Variants in ARHGEF10 observed in about 807,000 individuals in gnomAD.
ARHGEF10 encodes Rho guanine nucleotide exchange factor (GEF) 10.
Under a neutral mutation model 147.4 loss-of-function variants are expected in ARHGEF10, and 140 were observed. That is an observed-to-expected ratio of 0.95 (90% CI 0.83 to 1.09). The LOEUF (loss-of-function observed/expected upper bound fraction) is 1.09, where lower values mean the gene tolerates loss of function less well. Among genes scored for constraint, ARHGEF10 ranks in the 50% least tolerant of loss-of-function variants. The probability of loss-of-function intolerance (pLI) is 0.00; values close to 1 mark genes in which losing one functional copy is unlikely to be tolerated. For missense variants in ARHGEF10, 2,222 were observed against 1,752.7 expected (o/e 1.27, Z -4.78); for synonymous variants, 902 against 695.8 (o/e 1.30, Z -4.67).
In ARHGEF10 at chr8:1,952,769, C is replaced by G. The variant is rs754152691; in HGVS notation, c.3462C>G (p.Ser1154Arg). The change falls in exon 28 of 29, where the codon AGC (serine) becomes AGG (arginine). Residue 1154 changes from serine (S) to arginine (R), a missense_variant. Physicochemically the swap from Ser to Arg is moderately radical, Grantham distance 110. Coordinates refer to ENST00000349830, the MANE Select transcript of ARHGEF10 (RefSeq NM_014629.4). ...ACGGATTGCTGATGGTCGGCACCAG[C>G]CTGGGAGTCCTCGTGGCCCTGCCGG... Reference protein sequence around the residue: ...VCHGLLMVGTSLGVLVALPVP... With the variant: ...VCHGLLMVGTRLGVLVALPVP... 3.1e-6 allele frequency: 5 copies of G among 1,613,584 alleles called. No homozygotes were observed.
intron 27 of ARHGEF10, among the ~76,000 whole-genome samples, chr8:1,947,861 C>T (rs1358563862): frequency 6.6e-6 from 1 of 150,678 alleles, no homozygotes; most frequent in Non-Finnish European, 1.5e-5. Context: ...GTTTTAGATA[C>T]TGTCTTTGAC....
intron 26 of ARHGEF10, among the ~76,000 whole-genome samples, chr8:1,936,285 T>C (rs1031932364): frequency 6.6e-6 from 1 of 152,072 alleles, no homozygotes; most frequent in African/African-American, 2.4e-5. Context: ...GAGACCAAGA[T>C]AGGTGGATCG....
intron 1 of ARHGEF10, among the ~76,000 whole-genome samples, chr8:1,839,815 A>G (rs1196301442): frequency 4.5e-4 from 28 of 62,386 alleles, no homozygotes; most frequent in African/African-American, 6.0e-4. Flanking sequence ...TCTTGTGTGG[A>G]AGCTGTCTGG....
Position 1,888,230 on chromosome 8 carries a change from C to CACTT in ARHGEF10, c.1182+2524_1182+2525insCTTA, listed in dbSNP as rs1808934143. On this transcript the variant is annotated intron_variant, in intron 11 of 28. Transcript: ENST00000349830. Reference sequence around the variant, plus strand: ...TAGTGGGGCGAGGGTTGCGAGGAGACAGTGAGTGTGGTGAGGGTTGCGAGG... The same window carrying CACTT: ...TAGTGGGGCGAGGGTTGCGAGGAGACACTTAGTGAGTGTGGTGAGGGTTGCGAGG... Among the ~76,000 whole-genome samples, 3 of 63,290 alleles carry CACTT rather than the reference C, an allele frequency of 4.7e-5. No individual in the cohort carries two copies. The East Asian group carries it at 1.4e-3, about 29-fold the overall frequency. 41.5% of individuals were successfully genotyped at this position (63,290 alleles called of 152,430 possible).
chr8:1,831,763 C>G (rs1284148113), intron 1 of ARHGEF10, among the ~76,000 whole-genome samples: 2 of 152,234 alleles, frequency 1.3e-5, no homozygotes, highest in African/African-American at 2.4e-5. Flanking sequence ...CTCCTGGACA[C>G]CTGCACAGGG....
At chr8:1,928,380 G>A in intron 23 of ARHGEF10, 47 bp from the exon 24 acceptor site, 2 of 1,582,746 alleles carry the variant, frequency 1.3e-6, no homozygotes, top group East Asian at 2.2e-5. Flanking sequence ...TATTATGGAA[G>A]CCGCCACATG....
intron 28 of ARHGEF10, among the ~76,000 whole-genome samples, chr8:1,955,209 C>G (rs61475618): frequency 8.8e-4 from 88 of 100,378 alleles, no homozygotes; most frequent in African/African-American, 3.9e-3. Context: ...GATGGGTAGC[C>G]AGGTGCTTCC....
chr8:1,857,704 T>C lies in ARHGEF10; in HGVS notation c.38-256T>C, dbSNP rs185436884. Among the ~76,000 whole-genome samples the C allele has an allele frequency of 6.6e-3, 724 of 109,246 alleles. 1 individual carries two copies. Among genetic ancestry groups the C allele is most frequent in the Admixed American group, 9.5e-3 (104 of 10,970 alleles). 71.7% of individuals were successfully genotyped at this position (109,246 alleles called of 152,430 possible). ...AAGTGCTGGGATTACAGATGTGAGCTACCACCCCCAGCCTCTTGTTTCTTC... is the reference window on the plus strand; with the variant it reads ...AAGTGCTGGGATTACAGATGTGAGCCACCACCCCCAGCCTCTTGTTTCTTC... On this transcript the variant is annotated intron_variant, in intron 2 of 28. Coordinates refer to ENST00000349830, the MANE Select transcript of ARHGEF10 (RefSeq NM_014629.4).
chr8:1,867,563 C>T (rs1000782423), intron 6 of ARHGEF10, among the ~76,000 whole-genome samples: 1 of 152,210 alleles, frequency 6.6e-6, no homozygotes, highest in Non-Finnish European at 1.5e-5. Context: ...GCGGCTCCAG[C>T]TTCCGTACAA....
At chr8:1,940,445 T>C (rs986011020) in intron 26 of ARHGEF10, among the ~76,000 whole-genome samples, 5 of 152,102 alleles carry the variant, frequency 3.3e-5, no homozygotes, top group Non-Finnish European at 7.4e-5. Context: ...AAATAGAACA[T>C]TTGAATAGAC....
intron 18 of ARHGEF10, among the ~76,000 whole-genome samples, chr8:1,921,054 G>A (rs1196504331): frequency 6.6e-6 from 1 of 152,122 alleles, no homozygotes; most frequent in African/African-American, 2.4e-5. Context: ...CCAAAGCACT[G>A]GGATTACAGG....
chr8:1,827,073 C>A (rs1802812584), intron 1 of ARHGEF10, among the ~76,000 whole-genome samples: 1 of 152,166 alleles, frequency 6.6e-6, no homozygotes, highest in African/African-American at 2.4e-5. Flanking sequence ...GCCTGGGTGG[C>A]AGACAGGGCC....
At chr8:1,866,716 T>A in intron 6 of ARHGEF10, 114 bp downstream of exon 6, 1 of 1,032,790 alleles carries the variant, frequency 9.7e-7, no homozygotes, top group South Asian at 1.3e-5. Flanking sequence ...TCTAAAAAGA[T>A]GTTTATTTAC....
Position 1,929,406 on chromosome 8 carries a change from G to A in ARHGEF10, c.3042G>A (p.Leu1014=), listed in dbSNP as rs751872738. The part of the protein sequence containing the change: ...ACTSQSLYAG[L]VNGAVASYAR... Reference sequence around the variant, plus strand: ...CGTCTCAGAGCCTGTACGCTGGCCTGGTCAACGGGGCAGTCGCCAGCTACG... The same window carrying A: ...CGTCTCAGAGCCTGTACGCTGGCCTAGTCAACGGGGCAGTCGCCAGCTACG... The change falls in exon 25 of 29, where the codon CTG becomes CTA. Residue 1014 remains leucine (L), a synonymous_variant. Transcript: ENST00000349830. 5.0e-6 allele frequency: 8 copies of A among 1,611,998 alleles called. No homozygotes were observed. The highest frequency in any genetic ancestry group is 6.8e-6 in the Non-Finnish European group (8 of 1,179,438).
chr8:1,869,454 C>T, intron 7 of ARHGEF10: 1 of 688,972 alleles, frequency 1.5e-6, no homozygotes, highest in East Asian at 2.7e-5. Flanking sequence ...TGAAATAGGG[C>T]AGTTTAATCT....
intron 2 of ARHGEF10, among the ~76,000 whole-genome samples, chr8:1,846,392 C>T (rs1179194636): frequency 6.6e-6 from 1 of 152,124 alleles, no homozygotes; most frequent in Non-Finnish European, 1.5e-5. Context: ...ATTATAATTT[C>T]CCCCATTATT....
At chr8:1,905,508 C>G in intron 16 of ARHGEF10, 63 bp from the exon 17 acceptor site, 7 of 1,607,186 alleles carry the variant, frequency 4.4e-6, no homozygotes, top group Non-Finnish European at 5.1e-6. Flanking sequence ...CAGACTTCTC[C>G]TCATCTTTTT....
At position 1,888,116 on chromosome 8, in the gene ARHGEF10, T is replaced by G. The variant is rs76280282; in HGVS notation, c.1182+2409T>G. Among the ~76,000 whole-genome samples, 67 of 81,860 alleles carry G rather than the reference T, an allele frequency of 8.2e-4. 2 individuals carry two copies. The highest frequency in any genetic ancestry group is 2.4e-3 in the African/African-American group (21 of 8,750). The allele number at this position is 81,860 out of a possible 152,430, so 53.7% of individuals were successfully genotyped here. On this transcript the variant is annotated intron_variant, in intron 11 of 28. Transcript: ENST00000349830. ...AGGGTGAATGTTTTGAGGAGACACTTAGTGGGGTGAGGGTTTGCGAGGAGA... is the reference window on the plus strand; with the variant it reads ...AGGGTGAATGTTTTGAGGAGACACTGAGTGGGGTGAGGGTTTGCGAGGAGA...
At chr8:1,952,121 C>T (rs1815107008) in intron 27 of ARHGEF10, among the ~76,000 whole-genome samples, 1 of 152,266 alleles carries the variant, frequency 6.6e-6, no homozygotes, top group Non-Finnish European at 1.5e-5. Context: ...CTTCTCACCC[C>T]ACCATCCACC....
Sources: allele counts gnomAD v4.1 joint callset (sites outside exome capture counted in the v4.1 genomes callset), GRCh38; gene constraint gnomAD v4.1.1; transcripts MANE v1.5; gene names NCBI Gene and HGNC (gene_info 2026-07-23, HGNC 2026-07-21).